EDA: variants seen among roughly 807,000 people sequenced by gnomAD.
EDA encodes ectodysplasin-A.
EDA carries 2 observed loss-of-function variants against 23.6 expected under a neutral mutation model. That is an observed-to-expected ratio of 0.08 (90% CI 0.03 to 0.27). The LOEUF (loss-of-function observed/expected upper bound fraction) is 0.27, where lower values mean the gene tolerates loss of function less well. EDA is among the 10% of genes least tolerant of loss of function. EDA has a pLI of 1.00. For synonymous variants in EDA, 131 were observed against 132.0 expected, an observed-to-expected ratio of 0.99 and a Z score of 0.05; for missense variants, 229 against 324.2, an observed-to-expected ratio of 0.71 and a Z score of 2.26.
rs1297086147 is a variant in EDA, at chrX:70,035,891, C to T, written c.*282C>T. The T allele has an allele frequency of 5.2e-6, 2 of 386,400 alleles. No individual in the cohort carries two copies. Among genetic ancestry groups the T allele is most frequent in the Non-Finnish European group, 9.0e-6 (2 of 222,800 alleles). 31.8% of individuals were successfully genotyped at this position (386,400 alleles called of 1,213,427 possible). On this transcript the variant is annotated 3_prime_UTR_variant, in exon 8 of 8. Coordinates refer to ENST00000374552, the MANE Select transcript of EDA (RefSeq NM_001399.5). ...TGACTTATGGCATGACTCTTCAACC[C>T]CGAGGTCCCTGTTGTCAGATCTATT...
chrX:69,733,015 G>A (rs764918509), intron 1 of EDA, among the ~76,000 whole-genome samples: 1,682 of 108,271 alleles, frequency 0.016, 31 homozygotes, highest in African/African-American at 0.055. Flanking sequence ...TTGTCAGATG[G>A]GTAGATTGTA....
chrX:70,022,212 G>A (rs1035756886), intron 2 of EDA, among the ~76,000 whole-genome samples: 1 of 111,173 alleles, frequency 9.0e-6, no homozygotes, highest in African/African-American at 3.3e-5. Flanking sequence ...AACACCTTGG[G>A]TTTTCTAAGT....
chrX:69,918,939 A>T (rs2018385833), intron 1 of EDA, among the ~76,000 whole-genome samples: 1 of 110,799 alleles, frequency 9.0e-6, no homozygotes, highest in African/African-American at 3.3e-5. Flanking sequence ...CATTTGGAGT[A>T]CTACAAAAGA....
At chrX:69,679,788 T>A (rs1279439769) in intron 1 of EDA, among the ~76,000 whole-genome samples, 1 of 111,182 alleles carries the variant, frequency 9.0e-6, no homozygotes, top group African/African-American at 3.3e-5. Flanking sequence ...GATTCTTTAA[T>A]TTTTTGAAGG....
intron 1 of EDA, among the ~76,000 whole-genome samples, chrX:69,669,574 A>C (rs1933810728): frequency 8.9e-6 from 1 of 112,020 alleles, no homozygotes; most frequent in African/African-American, 3.2e-5. Context: ...CACAATTTAT[A>C]TTTTTGATGT....
intron 1 of EDA, among the ~76,000 whole-genome samples, chrX:69,685,821 TGTA>T (rs1292085066): frequency 8.9e-6 from 1 of 112,295 alleles, no homozygotes; most frequent in Non-Finnish European, 1.9e-5. Flanking sequence ...GTTATATAAA[TGTA>T]GTATGTTATG....
At chrX:69,936,934 TTTG>T (rs891341439) in intron 1 of EDA, among the ~76,000 whole-genome samples, 7 of 110,907 alleles carry the variant, frequency 6.3e-5, no homozygotes, top group Non-Finnish European at 1.1e-4. Context: ...AATGTGTTTT[TTTG>T]TTGTTGTTGT....
chrX:69,680,135 G>A (rs1318690561), intron 1 of EDA, among the ~76,000 whole-genome samples: 7 of 107,149 alleles, frequency 6.5e-5, no homozygotes, highest in East Asian at 5.9e-4. Context: ...GCGGTTTTGA[G>A]TGAGTTTCTG....
intron 1 of EDA, among the ~76,000 whole-genome samples, chrX:69,771,738 G>T (rs762749735): frequency 3.6e-5 from 4 of 111,818 alleles, no homozygotes; most frequent in South Asian, 3.8e-4. Flanking sequence ...TTCATTTCTG[G>T]GTTATGTATT....
At chrX:69,798,077 T>C (rs1478486920) in intron 1 of EDA, among the ~76,000 whole-genome samples, 1 of 110,743 alleles carries the variant, frequency 9.0e-6, no homozygotes, top group East Asian at 2.8e-4. Flanking sequence ...AAAGGCAAAG[T>C]CACTATAAAA....
intron 1 of EDA, among the ~76,000 whole-genome samples, chrX:69,678,829 A>G (rs1356611322): frequency 1.9e-5 from 1 of 52,793 alleles, no homozygotes; most frequent in African/African-American, 1.1e-4. Flanking sequence ...TTTCCTGCCT[A>G]ATTGCCCTAG....
chrX:69,733,124 T>G (rs1464767531), intron 1 of EDA, among the ~76,000 whole-genome samples: 3 of 109,925 alleles, frequency 2.7e-5, no homozygotes, highest in Non-Finnish European at 5.7e-5. Flanking sequence ...ATTTGTCAAT[T>G]TTGGCTTTTG....
intron 1 of EDA, among the ~76,000 whole-genome samples, chrX:69,836,546 A>G (rs1441542186): frequency 1.8e-5 from 2 of 112,690 alleles, no homozygotes; most frequent in Non-Finnish European, 3.8e-5. Flanking sequence ...CGAGCCAGGC[A>G]TTGGAGAGAA....
At chrX:70,024,405 G>C (rs951664793) in intron 3 of EDA, among the ~76,000 whole-genome samples, 2 of 112,645 alleles carry the variant, frequency 1.8e-5, no homozygotes. Context: ...CAGGGAGCTG[G>C]AGTCAGTGAG....
chrX:69,953,828 A>G (rs1015394603), intron 1 of EDA, among the ~76,000 whole-genome samples: 1 of 111,855 alleles, frequency 8.9e-6, no homozygotes, highest in Non-Finnish European at 1.9e-5. Flanking sequence ...TGTAATCTAG[A>G]ACAGGAAAAA....
chrX:69,789,085 G>C (rs1233608667), intron 1 of EDA, among the ~76,000 whole-genome samples: 10 of 112,066 alleles, frequency 8.9e-5, no homozygotes, highest in African/African-American at 2.6e-4. Context: ...CTTTCTTTGA[G>C]TAGGAAAGGG....
intron 1 of EDA, among the ~76,000 whole-genome samples, chrX:69,675,810 A>C (rs1469429479): frequency 9.0e-6 from 1 of 111,153 alleles, no homozygotes; most frequent in Non-Finnish European, 1.9e-5. Flanking sequence ...AAATTAGGGA[A>C]GTTGGAGAGA....
chrX:69,813,304 G>T (rs1235939692), intron 1 of EDA, among the ~76,000 whole-genome samples: 1 of 111,154 alleles, frequency 9.0e-6, no homozygotes, highest in African/African-American at 3.3e-5. Context: ...TGCTGCTTTA[G>T]GTCTCTGTAC....
chrX:69,915,425 G>A (rs1042075593), intron 1 of EDA, among the ~76,000 whole-genome samples: 2 of 110,631 alleles, frequency 1.8e-5, no homozygotes, highest in Non-Finnish European at 3.8e-5. Context: ...CCAACATGGC[G>A]AAACCCCATC....
Sources: gnomAD v4.1 joint callset for allele counts (sites outside exome capture counted in the v4.1 genomes callset) on GRCh38, gnomAD v4.1.1 for gene constraint, MANE v1.5 for transcripts, NCBI Gene and HGNC (gene_info 2026-07-23, HGNC 2026-07-21) for gene names.